The following BICC1 variants were observed in gnomAD, a reference collection of about 807,000 sequenced individuals.
The protein encoded by BICC1 is protein bicaudal C homolog 1.
In BICC1, 43 loss-of-function variants were observed where a neutral mutation model predicts 111.0. That is an observed-to-expected ratio of 0.39 (90% CI 0.30 to 0.50). BICC1 has a LOEUF of 0.50. Ranked by LOEUF, BICC1 falls within the 20% of genes least tolerant of loss-of-function variation. The probability of loss-of-function intolerance (pLI) is 0.88; values close to 1 mark genes in which losing one functional copy is unlikely to be tolerated. For missense variants in BICC1, 1,091 were observed against 1,203.2 expected (o/e 0.91, Z 1.38); for synonymous variants, 467 against 434.4 (o/e 1.07, Z -0.93).
At chr10:58,673,159 C>T (rs1839232493) in intron 2 of BICC1, among the ~76,000 whole-genome samples, 1 of 152,048 alleles carries the variant, frequency 6.6e-6, no homozygotes, top group Admixed American at 6.6e-5. Flanking sequence ...TGTATAAATT[C>T]TTTGAATATT....
At chr10:58,789,038 C>G (rs1396590392) in intron 6 of BICC1, among the ~76,000 whole-genome samples, 2 of 151,890 alleles carry the variant, frequency 1.3e-5, no homozygotes, top group Non-Finnish European at 2.9e-5. Context: ...CTGTAGTGAG[C>G]TGGGATGATA....
At chr10:58,606,107 C>T (rs1845203349) in intron 1 of BICC1, among the ~76,000 whole-genome samples, 1 of 152,030 alleles carries the variant, frequency 6.6e-6, no homozygotes. Context: ...CCTGCTTCAT[C>T]CTTTACTATT....
At chr10:58,669,846 T>C (rs1331209017) in intron 2 of BICC1, among the ~76,000 whole-genome samples, 4 of 152,162 alleles carry the variant, frequency 2.6e-5, no homozygotes, top group Non-Finnish European at 4.4e-5. Context: ...GCAAAGTAAA[T>C]GTTTTGGGCT....
At chr10:58,691,804 G>T (rs536191882) in intron 2 of BICC1, among the ~76,000 whole-genome samples, 1 of 152,138 alleles carries the variant, frequency 6.6e-6, no homozygotes, top group South Asian at 2.1e-4. Flanking sequence ...TGGTTGGAGG[G>T]TTTTTTTCTC....
At chr10:58,649,788 T>C (rs1299402154) in intron 2 of BICC1, among the ~76,000 whole-genome samples, 4 of 152,176 alleles carry the variant, frequency 2.6e-5, no homozygotes, top group African/African-American at 9.7e-5. Context: ...TGGGATTACA[T>C]AGGTTCTACT....
chr10:58,784,163 A>C lies in BICC1; in HGVS notation c.308-838A>C, dbSNP rs192244947. Among the ~76,000 whole-genome samples the C allele has an allele frequency of 4.0e-4, 61 of 152,252 alleles. 1 individual carries two copies. Among genetic ancestry groups the C allele is most frequent in the African/African-American group, 1.4e-3 (60 of 41,528 alleles). On this transcript the variant is annotated intron_variant, in intron 3 of 20. Coordinates refer to ENST00000373886, the MANE Select transcript of BICC1 (RefSeq NM_001080512.3). The stretch of plus-strand genomic sequence containing the variant: ...TGTATGTTCTGATTAATTATTAATT[A>C]GATAATTTATTTGATTAAATTATAT...
intron 1 of BICC1, among the ~76,000 whole-genome samples, chr10:58,569,623 C>T (rs1057389389): frequency 6.6e-5 from 10 of 152,112 alleles, no homozygotes; most frequent in African/African-American, 2.2e-4. Context: ...CTCCCACTTA[C>T]GAGTGAGAAC....
intron 1 of BICC1, among the ~76,000 whole-genome samples, chr10:58,513,680 G>C (rs1284501610): frequency 6.6e-6 from 1 of 152,226 alleles, no homozygotes; most frequent in Non-Finnish European, 1.5e-5. Flanking sequence ...GACCACTCGG[G>C]CCGCACAGAG....
chr10:58,762,825 GTT>G (rs1842353889), intron 3 of BICC1, among the ~76,000 whole-genome samples: 1 of 151,338 alleles, frequency 6.6e-6, no homozygotes, highest in Non-Finnish European at 1.5e-5. Context: ...AAAACAAAGA[GTT>G]CTCTCTCTCC....
At chr10:58,517,529 G>A (rs1842274231) in intron 1 of BICC1, among the ~76,000 whole-genome samples, 1 of 152,198 alleles carries the variant, frequency 6.6e-6, no homozygotes, top group Admixed American at 6.5e-5. Flanking sequence ...AAATGGGGGA[G>A]TACTGAAAGT....
At chr10:58,711,860 C>A (rs1326013433) in intron 3 of BICC1, among the ~76,000 whole-genome samples, 3 of 136,672 alleles carry the variant, frequency 2.2e-5, no homozygotes, top group Non-Finnish European at 4.6e-5. Context: ...AACAAATTTT[C>A]AGTGGAATAG....
intron 2 of BICC1, among the ~76,000 whole-genome samples, chr10:58,657,166 A>G (rs767281950): frequency 1.2e-4 from 19 of 152,120 alleles, no homozygotes; most frequent in Non-Finnish European, 2.5e-4. Context: ...CCTGGGCGAG[A>G]TGCATTATTC....
Position 58,820,355 on chromosome 10 carries a change from C to A in BICC1, c.2695-14C>A. 1.9e-6 allele frequency: 3 copies of A among 1,583,530 alleles called. No homozygotes were observed. Among genetic ancestry groups the A allele is most frequent in the Non-Finnish European group, 2.6e-6 (3 of 1,153,314 alleles). On this transcript the variant is annotated splice_polypyrimidine_tract_variant and intron_variant, in intron 19 of 20. Coordinates refer to ENST00000373886, the MANE Select transcript of BICC1 (RefSeq NM_001080512.3). ...ATTAATACATTGGTTATAGATTGAC[C>A]TTTCTACCCACAGATCGATCTTCAG...
chr10:58,602,925 C>G (rs1260433561), intron 1 of BICC1, among the ~76,000 whole-genome samples: 1 of 152,152 alleles, frequency 6.6e-6, no homozygotes, highest in Non-Finnish European at 1.5e-5. Flanking sequence ...ACTTGGTCTT[C>G]TTGAGTAAAG....
At chr10:58,565,004 T>C (rs1272164134) in intron 1 of BICC1, among the ~76,000 whole-genome samples, 2 of 152,196 alleles carry the variant, frequency 1.3e-5, no homozygotes, top group Non-Finnish European at 2.9e-5. Flanking sequence ...ATTTTTTGCT[T>C]CAACTTACCT....
intron 1 of BICC1, among the ~76,000 whole-genome samples, chr10:58,583,584 CTGTGTGTGTGTGTGTGTGTGTGTGTGTG>C (rs3076149): frequency 7.2e-6 from 1 of 139,344 alleles, no homozygotes; most frequent in African/African-American, 2.6e-5. Flanking sequence ...TTCTCTCTCT[CTGTGTGTGTGTGTGTGTGTGTGTGTGTG>C]TGTGTGTGTG....
intron 1 of BICC1, among the ~76,000 whole-genome samples, chr10:58,520,375 TCGTA>T (rs2132511238): frequency 6.6e-6 from 1 of 152,250 alleles, no homozygotes; most frequent in East Asian, 1.9e-4. Flanking sequence ...CTAATCCTTA[TCGTA>T]CTACCATCTA....
intron 3 of BICC1, among the ~76,000 whole-genome samples, chr10:58,780,686 G>A (rs1354341205): frequency 6.6e-6 from 1 of 152,174 alleles, no homozygotes; most frequent in Non-Finnish European, 1.5e-5. Flanking sequence ...GTTTCCAGGG[G>A]TGGGAATGTT....
At chr10:58,770,280 G>T (rs1045239153) in intron 3 of BICC1, among the ~76,000 whole-genome samples, 1 of 152,106 alleles carries the variant, frequency 6.6e-6, no homozygotes, top group African/African-American at 2.4e-5. Context: ...ATTCTAGTCT[G>T]ACATTTTTTC....
Sources: gnomAD v4.1 joint callset for allele counts (sites outside exome capture counted in the v4.1 genomes callset) on GRCh38, gnomAD v4.1.1 for gene constraint, MANE v1.5 for transcripts, NCBI Gene and HGNC (gene_info 2026-07-23, HGNC 2026-07-21) for gene names.